LMF1: variants seen among roughly 807,000 people sequenced by gnomAD.
The protein encoded by LMF1 is lipase maturation factor 1.
In LMF1, 68 loss-of-function variants were observed where a neutral mutation model predicts 60.6. The observed-to-expected ratio is 1.12, with a 90% CI of 0.92 to 1.37. LMF1 has a LOEUF of 1.37. LMF1 is among the 40% of genes most tolerant of loss of function. The pLI is 0.00. For synonymous variants in LMF1, 418 were observed against 324.7 expected (o/e 1.29, Z -3.09); for missense variants, 948 against 767.2 (o/e 1.24, Z -2.78).
intron 4 of LMF1, among the ~76,000 whole-genome samples, chr16:894,805 C>T (rs981078768): frequency 1.3e-5 from 2 of 152,212 alleles, no homozygotes; most frequent in African/African-American, 4.8e-5. Flanking sequence ...TGCTCCCCTC[C>T]GTGGGCGTGC....
At chr16:941,068 G>A (rs916577836) in intron 2 of LMF1, among the ~76,000 whole-genome samples, 10 of 152,066 alleles carry the variant, frequency 6.6e-5, no homozygotes, top group Non-Finnish European at 1.3e-4. Flanking sequence ...TCCGTGTCCT[G>A]AACTTTACTT....
At chr16:871,069 T>C in intron 7 of LMF1, 92 bp downstream of exon 7, 1 of 1,431,004 alleles carries the variant, frequency 7.0e-7, no homozygotes, top group African/African-American at 1.4e-5. Context: ...CCTCCTACCC[T>C]GGCGTCCCCA....
At chr16:916,788 G>C (rs763215527) in intron 3 of LMF1, among the ~76,000 whole-genome samples, 8 of 152,232 alleles carry the variant, frequency 5.3e-5, no homozygotes, top group Non-Finnish European at 1.0e-4. Context: ...CTGCGGCCTT[G>C]GGATGCCTCG....
chr16:925,035 A>G (rs977405665), intron 3 of LMF1, among the ~76,000 whole-genome samples: 3 of 152,200 alleles, frequency 2.0e-5, no homozygotes, highest in Non-Finnish European at 4.4e-5. Context: ...CCCCGTCCGC[A>G]GAGTGCTGGG....
rs1321717772 is a variant in LMF1, at chr16:942,084, C to G, written c.504-7830G>C. On this transcript the variant is annotated intron_variant, in intron 2 of 10. Coordinates refer to ENST00000262301, the MANE Select transcript of LMF1 (RefSeq NM_022773.4). Reference sequence around the variant, plus strand: ...GCCTGAAGATATTCCTTTAACATTTCTATAGTGTGTCTGCTGGCAAAGCCT... The same window carrying G: ...GCCTGAAGATATTCCTTTAACATTTGTATAGTGTGTCTGCTGGCAAAGCCT... Among the ~76,000 whole-genome samples, 4 of 152,324 alleles carry G rather than the reference C, an allele frequency of 2.6e-5. No individual in the cohort carries two copies. The East Asian group carries it at 5.8e-4, about 22-fold the overall frequency.
At chr16:859,285 A>G (rs1596831353) in intron 10 of LMF1, among the ~76,000 whole-genome samples, 1 of 76,596 alleles carries the variant, frequency 1.3e-5, no homozygotes, top group Non-Finnish European at 2.3e-5. Flanking sequence ...GTGTCTCGGG[A>G]CGGGTGTGAG....
In LMF1 at chr16:911,999, G is replaced by A. The variant is rs552210941; in HGVS notation, c.515-920C>T. Among the ~76,000 whole-genome samples the A allele has an allele frequency of 2.6e-5, 4 of 152,302 alleles. No individual in the cohort carries two copies. The East Asian group carries it at 5.8e-4, about 22-fold the overall frequency. Reference sequence around the variant, plus strand: ...CTATTCTCAGAGGTGAGGCCACCGTGAATGTGGCTGCTGGAAACTGCCCAC... The same window carrying A: ...CTATTCTCAGAGGTGAGGCCACCGTAAATGTGGCTGCTGGAAACTGCCCAC... On this transcript the variant is annotated intron_variant, in intron 3 of 10. Coordinates refer to ENST00000262301, the MANE Select transcript of LMF1 (RefSeq NM_022773.4).
chr16:940,801 T>C (rs894199947), intron 2 of LMF1, among the ~76,000 whole-genome samples: 12 of 152,208 alleles, frequency 7.9e-5, no homozygotes, highest in Admixed American at 2.0e-4. Context: ...ATTCATCAAT[T>C]ATGTCAAAGT....
chr16:875,538 A>G lies in LMF1; in HGVS notation c.897+4032T>C, dbSNP rs17145989. On this transcript the variant is annotated intron_variant, in intron 6 of 10. Transcript: ENST00000262301. ...AACTCAGCACCTTGCTTTTCATGAGAGCTTCTCCCAGGCAGCATCAGCTTA... is the reference window on the plus strand; with the variant it reads ...AACTCAGCACCTTGCTTTTCATGAGGGCTTCTCCCAGGCAGCATCAGCTTA... Among the ~76,000 whole-genome samples, 1,317 of 152,170 alleles carry G rather than the reference A, an allele frequency of 8.7e-3. 20 individuals are homozygous for G. Among genetic ancestry groups the G allele is most frequent in the African/African-American group, 0.029 (1,213 of 41,490 alleles).
At chr16:971,319 G>C (rs1377879215), upstream of LMF1, among the ~76,000 whole-genome samples, 4 of 152,236 alleles carry the variant, frequency 2.6e-5, no homozygotes, top group Non-Finnish European at 4.4e-5. Context: ...CAGAGGCCAG[G>C]TGCCCTCCCC....
chr16:899,948 T>A (rs1485184723), intron 4 of LMF1: 3 of 152,226 alleles, frequency 2.0e-5, no homozygotes, highest in Non-Finnish European at 2.9e-5. Context: ...CACTGCACGA[T>A]GCCGCACACT....
At position 853,919 on chromosome 16, in the gene LMF1, CTG is replaced by C. The variant is rs1312706689; in HGVS notation, c.*611_*612del. ...GGCCAAGAACACATGTGTGCACAGGCTGTGTGTGCCTGCATGTGTGGGATGCG... is the reference window on the plus strand; with the variant it reads ...GGCCAAGAACACATGTGTGCACAGGCTGTGTGCCTGCATGTGTGGGATGCG... On this transcript the variant is annotated 3_prime_UTR_variant, in exon 11 of 11. Coordinates refer to ENST00000262301, the MANE Select transcript of LMF1 (RefSeq NM_022773.4). The C allele has an allele frequency of 2.2e-6, 1 of 454,140 alleles. No individual in the cohort carries two copies. The highest frequency in any genetic ancestry group is 4.4e-6 in the Non-Finnish European group (1 of 226,798). 28.1% of individuals were successfully genotyped at this position (454,140 alleles called of 1,614,324 possible).
chr16:869,531 C>T (rs1373016569), intron 9 of LMF1: 1 of 570,688 alleles, frequency 1.8e-6, no homozygotes, highest in Non-Finnish European at 3.3e-6. Flanking sequence ...CTCAATCGAT[C>T]CTTCCTCCTC....
At chr16:861,733 G>A (rs987109431) in intron 10 of LMF1, among the ~76,000 whole-genome samples, 1 of 152,198 alleles carries the variant, frequency 6.6e-6, no homozygotes, top group Non-Finnish European at 1.5e-5. Context: ...TCTGTAAACA[G>A]GCAGTTTCGT....
At chr16:932,120 G>A (rs968760976) in intron 3 of LMF1, among the ~76,000 whole-genome samples, 8 of 152,200 alleles carry the variant, frequency 5.3e-5, no homozygotes, top group African/African-American at 1.9e-4. Context: ...CCGGCTCCTC[G>A]ACTGCCTCTG....
At chr16:971,986 A>G (rs965543401), upstream of LMF1, among the ~76,000 whole-genome samples, 9 of 152,024 alleles carry the variant, frequency 5.9e-5, no homozygotes, top group Non-Finnish European at 7.4e-5. Flanking sequence ...TAGCTTTCCT[A>G]GTGTTTTGGC....
At position 959,061 on chromosome 16, in the gene LMF1, G is replaced by C. The variant is rs1245670053; in HGVS notation, c.194-4395C>G. 2.0e-5 allele frequency among the ~76,000 whole-genome samples: 3 copies of C among 152,286 alleles called. No homozygotes were observed. In the East Asian group the frequency reaches 5.8e-4, roughly 29 times the overall value. On this transcript the variant is annotated intron_variant, in intron 1 of 10. Transcript: ENST00000262301. The stretch of plus-strand genomic sequence containing the variant: ...TAATGAAGGGTTACCTTACAAATCA[G>C]CTACTGCACCTCTCAGGCCTTCAAC...
In LMF1 at chr16:888,088, C is replaced by T. The variant is rs1045254177; in HGVS notation, c.729+4919G>A. On this transcript the variant is annotated intron_variant, in intron 5 of 10. Transcript: ENST00000262301. ...AGCCCTGACAGCATCCTTCGGCGGA[C>T]GGAATTGTAGTTCTCCACGACGTCG... 9.2e-5 allele frequency among the ~76,000 whole-genome samples: 14 copies of T among 152,242 alleles called. 1 individual carries two copies. The highest frequency in any genetic ancestry group is 3.2e-3 in the Middle Eastern group (1 of 316).
rs765296319 is a variant in LMF1, at chr16:876,409, C to T, written c.897+3161G>A. Among the ~76,000 whole-genome samples the T allele has an allele frequency of 3.5e-4, 54 of 152,146 alleles. 2 individuals are homozygous for T. The highest frequency in any genetic ancestry group is 8.5e-4 in the Admixed American group (13 of 15,288). Reference sequence around the variant, plus strand: ...GGGACACGTGTCGTCGTCCGTTTGTCGGAGCTCACAGAATGAGCAACACTG... The same window carrying T: ...GGGACACGTGTCGTCGTCCGTTTGTTGGAGCTCACAGAATGAGCAACACTG... On this transcript the variant is annotated intron_variant, in intron 6 of 10. Coordinates refer to ENST00000262301, the MANE Select transcript of LMF1 (RefSeq NM_022773.4).
Sources: allele counts gnomAD v4.1 joint callset (sites outside exome capture counted in the v4.1 genomes callset), GRCh38; gene constraint gnomAD v4.1.1; transcripts MANE v1.5; gene names NCBI Gene and HGNC (gene_info 2026-07-23, HGNC 2026-07-21).